EDARADD: variants seen among roughly 807,000 people sequenced by gnomAD.
EDARADD encodes the protein EDAR associated via death domain, also known as ectodysplasin-A receptor-associated adapter protein.
A neutral mutation model predicts 25.6 loss-of-function variants in EDARADD; 20 were observed. That is an observed-to-expected ratio of 0.78 (90% CI 0.55 to 1.14). The LOEUF is 1.14. Among genes scored for constraint, EDARADD ranks in the 50% most tolerant of loss-of-function variants. EDARADD has a pLI of 0.00. For synonymous variants in EDARADD, 86 were observed against 94.4 expected (o/e 0.91, Z 0.52); for missense variants, 225 against 270.1 (o/e 0.83, Z 1.17).
chr1:236,394,256 T>C, upstream of EDARADD: 1 of 607,018 alleles, frequency 1.6e-6, no homozygotes, highest in Non-Finnish European at 2.9e-6. Context: ...AAAATACCCT[T>C]AAAAAAAATT....
At chr1:236,476,686 C>T (rs555734993) in intron 5 of EDARADD, among the ~76,000 whole-genome samples, 2 of 152,180 alleles carry the variant, frequency 1.3e-5, no homozygotes, top group South Asian at 2.1e-4. Flanking sequence ...CCACCACACC[C>T]GGCTAATTTT....
intron 3 of EDARADD, among the ~76,000 whole-genome samples, chr1:236,358,599 T>G (rs1036795159): frequency 1.1e-4 from 17 of 152,218 alleles, no homozygotes; most frequent in African/African-American, 4.1e-4. Flanking sequence ...TCAAAGAACT[T>G]CTTGATTTCT....
At chr1:236,466,306 G>C (rs573928696) in intron 4 of EDARADD, among the ~76,000 whole-genome samples, 2 of 152,210 alleles carry the variant, frequency 1.3e-5, no homozygotes, top group East Asian at 1.9e-4. Context: ...GGGGCTTCTG[G>C]GGTTAGCCTT....
chr1:236,414,787 C>T (rs748933100), intron 3 of EDARADD, among the ~76,000 whole-genome samples: 3 of 151,946 alleles, frequency 2.0e-5, no homozygotes, highest in Non-Finnish European at 2.9e-5. Context: ...GCAGGAGAAT[C>T]GCTTGAACCT....
chr1:236,420,953 C>T (rs11579681), intron 3 of EDARADD, among the ~76,000 whole-genome samples: 11,185 of 147,054 alleles, frequency 0.076, 1,455 homozygotes, highest in Middle Eastern at 0.13. Flanking sequence ...AGGCTGGTCT[C>T]GAAGTCCTGA....
intron 2 of EDARADD, among the ~76,000 whole-genome samples, chr1:236,410,292 T>C (rs1452171861): frequency 6.6e-6 from 1 of 152,030 alleles, no homozygotes; most frequent in African/African-American, 2.4e-5. Flanking sequence ...TTTCCATCTT[T>C]ATGTCCATGG....
intron 4 of EDARADD, among the ~76,000 whole-genome samples, chr1:236,465,901 A>G (rs191630914): frequency 6.6e-6 from 1 of 152,318 alleles, no homozygotes; most frequent in Admixed American, 6.5e-5. Context: ...TCTAAATTCT[A>G]TCTTTATCAA....
At chr1:236,466,177 C>CGGT (rs1213496437) in intron 4 of EDARADD, among the ~76,000 whole-genome samples, 1 of 152,130 alleles carries the variant, frequency 6.6e-6, no homozygotes, top group Non-Finnish European at 1.5e-5. Flanking sequence ...GTGAGCAGAA[C>CGGT]GGTGACTGTG....
intron 3 of EDARADD, among the ~76,000 whole-genome samples, chr1:236,380,923 G>T (rs1436826185): frequency 1.3e-5 from 2 of 152,138 alleles, no homozygotes; most frequent in African/African-American, 2.4e-5. Flanking sequence ...GGGTATAATT[G>T]CCATAGAATC....
chr1:236,481,611 AAAAG>A (rs1405685567), intron 5 of EDARADD, among the ~76,000 whole-genome samples: 2 of 151,312 alleles, frequency 1.3e-5, no homozygotes, highest in African/African-American at 4.8e-5. Flanking sequence ...AAAAAAAAAA[AAAAG>A]AAAGAAAGAA....
At chr1:236,462,394 A>G (rs1283934819) in intron 4 of EDARADD, among the ~76,000 whole-genome samples, 4 of 148,836 alleles carry the variant, frequency 2.7e-5, no homozygotes, top group Non-Finnish European at 5.9e-5. Context: ...GAGTGACTCC[A>G]TTTTGGGTTG....
intron 4 of EDARADD, among the ~76,000 whole-genome samples, chr1:236,432,714 G>A (rs781136842): frequency 1.4e-4 from 21 of 152,056 alleles, no homozygotes; most frequent in South Asian, 2.1e-4. Context: ...GTGAAACCCC[G>A]TCCCTACTAA....
At chr1:236,360,537 G>GAT (rs1558100082) in intron 3 of EDARADD, among the ~76,000 whole-genome samples, 2 of 131,266 alleles carry the variant, frequency 1.5e-5, no homozygotes, top group Non-Finnish European at 1.6e-5. Flanking sequence ...TTAATTCACG[G>GAT]TTTTTTTTTT....
chr1:236,450,920 C>T (rs141574580), intron 4 of EDARADD, among the ~76,000 whole-genome samples: 2 of 152,220 alleles, frequency 1.3e-5, no homozygotes, highest in East Asian at 3.9e-4. Flanking sequence ...ACATCGAGAT[C>T]CAGAGTGGTT....
At chr1:236,457,214 T>C (rs1179489763) in intron 4 of EDARADD, among the ~76,000 whole-genome samples, 2 of 152,182 alleles carry the variant, frequency 1.3e-5, no homozygotes, top group East Asian at 3.9e-4. Flanking sequence ...AAAATATCTG[T>C]GGTAAAACAT....
chr1:236,440,792 C>A (rs1317265339), intron 4 of EDARADD, among the ~76,000 whole-genome samples: 3 of 152,248 alleles, frequency 2.0e-5, no homozygotes, highest in East Asian at 3.9e-4. Flanking sequence ...CCATATAAGA[C>A]AGTGAACTTA....
chr1:236,419,428 A>C (rs1244908026), intron 3 of EDARADD, among the ~76,000 whole-genome samples: 2 of 151,914 alleles, frequency 1.3e-5, no homozygotes, highest in Admixed American at 1.3e-4. Flanking sequence ...AAAACAAAAA[A>C]CTCAACTTCT....
intron 4 of EDARADD, among the ~76,000 whole-genome samples, chr1:236,441,863 G>T (rs1658411887): frequency 6.6e-6 from 1 of 152,112 alleles, no homozygotes; most frequent in Non-Finnish European, 1.5e-5. Flanking sequence ...AAGGCTGAGA[G>T]AATTGAGGAA....
rs77406292 is a variant in EDARADD at position 236,352,214 on chromosome 1, G to A, written c.-6+1375G>A. Among the ~76,000 whole-genome samples, 207 of 152,200 alleles carry A rather than the reference G, an allele frequency of 1.4e-3. 1 individual carries two copies. The highest frequency in any genetic ancestry group is 4.5e-3 in the African/African-American group (186 of 41,530). ...CCTATGACCACCCTGTATTATTTCC[G>A]TCTCAATGCCCGCTAAAACTGGCCT... On this transcript the variant is annotated intron_variant, in intron 3 of 7. Coordinates refer to the EDARADD transcript ENST00000439430.
Sources: gnomAD v4.1 joint callset for allele counts (sites outside exome capture counted in the v4.1 genomes callset) on GRCh38, gnomAD v4.1.1 for gene constraint, MANE v1.5 for transcripts, NCBI Gene and HGNC (gene_info 2026-07-23, HGNC 2026-07-21) for gene names.